Variants in BTNL8 observed in about 807,000 individuals in gnomAD.
BTNL8 encodes the protein butyrophilin-like protein 8.
BTNL8 carries 22 observed loss-of-function variants against 36.1 expected under a neutral mutation model. The ratio of observed to expected loss-of-function variants is 0.61; its 90% CI spans 0.44 to 0.87. The LOEUF (loss-of-function observed/expected upper bound fraction) is 0.87. Ranked by LOEUF, BTNL8 falls within the 40% of genes least tolerant of loss-of-function variation. The probability of loss-of-function intolerance (pLI) is 0.00; values close to 1 mark genes in which losing one functional copy is unlikely to be tolerated. For missense variants in BTNL8, 526 were observed against 616.9 expected, an observed-to-expected ratio of 0.85 and a Z score of 1.56; for synonymous variants, 203 against 235.6, an observed-to-expected ratio of 0.86 and a Z score of 1.27.
At chr5:180,905,868 T>C (rs1243836783) in intron 1 of BTNL8, among the ~76,000 whole-genome samples, 1 of 151,200 alleles carries the variant, frequency 6.6e-6, no homozygotes, top group Non-Finnish European at 1.5e-5. Flanking sequence ...TCTAGTTTGA[T>C]TGCACTGTGG....
chr5:180,945,633 A>G, intron 3 of BTNL8: 1 of 248,920 alleles, frequency 4.0e-6, no homozygotes, highest in South Asian at 4.3e-5. Context: ...AAATAACCTG[A>G]TCTTAAAAAA....
At chr5:180,902,312 A>G in intron 1 of BTNL8, 1 of 1,532,302 alleles carries the variant, frequency 6.5e-7, no homozygotes, top group South Asian at 1.2e-5. Context: ...TCTCATCTTA[A>G]AAATAAAAAC....
intron 3 of BTNL8, among the ~76,000 whole-genome samples, chr5:180,932,327 C>T (rs1205853132): frequency 1.3e-5 from 2 of 152,182 alleles, no homozygotes; most frequent in African/African-American, 4.8e-5. Context: ...GCACATTCTG[C>T]AAATGTATCC....
chr5:180,908,460 T>C, intron 1 of BTNL8, 126 bp from the exon 2 acceptor site: 1 of 882,166 alleles, frequency 1.1e-6, no homozygotes, highest in African/African-American at 1.7e-5. Context: ...AATGCAGAAA[T>C]CACCCATGTT....
intron 3 of BTNL8, among the ~76,000 whole-genome samples, chr5:180,945,372 A>G (rs1229003736): frequency 6.6e-6 from 1 of 152,232 alleles, no homozygotes; most frequent in Non-Finnish European, 1.5e-5. Flanking sequence ...AAGAAAATAT[A>G]TGGGCAAAGC....
chr5:180,928,667 GTC>G (rs1758219486), intron 3 of BTNL8, among the ~76,000 whole-genome samples: 1 of 152,146 alleles, frequency 6.6e-6, no homozygotes, highest in South Asian at 2.1e-4. Flanking sequence ...TGCAATCCTA[GTC>G]TCTGATAAAA....
intron 3 of BTNL8, among the ~76,000 whole-genome samples, chr5:180,942,295 CACAA>C (rs1319942278): frequency 3.9e-5 from 6 of 152,142 alleles, no homozygotes; most frequent in African/African-American, 1.4e-4. Context: ...CTGAAGGGAA[CACAA>C]ACAAATGAAA....
Position 180,911,582 on chromosome 5 carries a change from G to A in BTNL8, c.641G>A (p.Ser214Asn), listed in dbSNP as rs1162168974. 14 of 1,613,868 alleles carry A rather than the reference G, an allele frequency of 8.7e-6. No individual in the cohort carries two copies. Among genetic ancestry groups the A allele is most frequent in the Non-Finnish European group, 1.2e-5 (14 of 1,179,830 alleles). The change falls in exon 3 of 8, where the codon AGC becomes AAC. Residue 214 changes from serine to asparagine, a missense_variant. Around this residue, in one of 2 missense-constraint regions of BTNL8, gnomAD observed 350 missense variants for 324.6 expected, o/e 1.08. Transcript: ENST00000340184. ...TGTTCCATGCGGCATGCTCATCTGAGCCGAGAGGTGGAATCCAGGGTACAG... is the reference window on the plus strand; with the variant it reads ...TGTTCCATGCGGCATGCTCATCTGAACCGAGAGGTGGAATCCAGGGTACAG... ...ISCSMRHAHL[S>N]REVESRVQIG... is the part of the protein sequence containing the mutation.
chr5:180,940,899 T>C (rs1171635293), intron 3 of BTNL8, among the ~76,000 whole-genome samples: 2 of 151,840 alleles, frequency 1.3e-5, no homozygotes, highest in Non-Finnish European at 2.9e-5. Context: ...TGAAACCCTG[T>C]CTCTACAAAA....
intron 3 of BTNL8, among the ~76,000 whole-genome samples, chr5:180,941,385 C>G (rs138489954): frequency 6.6e-6 from 1 of 152,264 alleles, no homozygotes; most frequent in African/African-American, 2.4e-5. Flanking sequence ...GAACTAACAC[C>G]TTCTCTTCTT....
At position 180,949,860 on chromosome 5, in the gene BTNL8, G is replaced by A. The variant is rs7702022; in HGVS notation, c.863-44G>A. 3.3e-5 allele frequency: 47 copies of A among 1,418,364 alleles called. 6 individuals carry two copies. The East Asian group carries it at 3.7e-4, about 11-fold the overall frequency. The allele number at this position is 1,418,364 out of a possible 1,614,324, so 87.9% of individuals were successfully genotyped here. ...GACCTCTTGCTCCAGCCCAGATTTC[G>A]TCTTCAGTAACTCATGCTTCCTCTC... On this transcript the variant is annotated intron_variant, in intron 7 of 7. Coordinates refer to ENST00000340184, the MANE Select transcript of BTNL8 (RefSeq NM_001040462.3).
chr5:180,922,016 G>A (rs1208644044), intron 3 of BTNL8, among the ~76,000 whole-genome samples: 1 of 151,922 alleles, frequency 6.6e-6, no homozygotes, highest in Non-Finnish European at 1.5e-5. Flanking sequence ...ATAGTTATTT[G>A]TATTTTTTTG....
chr5:180,943,573 G>C (rs1172931553), intron 3 of BTNL8, among the ~76,000 whole-genome samples: 1 of 152,132 alleles, frequency 6.6e-6, no homozygotes, highest in Non-Finnish European at 1.5e-5. Context: ...AGTTAAAATT[G>C]CTATTATCAA....
At chr5:180,934,726 C>T (rs912256501) in intron 3 of BTNL8, among the ~76,000 whole-genome samples, 5 of 152,220 alleles carry the variant, frequency 3.3e-5, no homozygotes, top group Non-Finnish European at 7.3e-5. Flanking sequence ...AGAAACCATA[C>T]AGGCCCAAAG....
rs1172663456 is a variant in BTNL8, at chr5:180,950,319, G to C, written c.1278G>C (p.Gln426His). The C allele has an allele frequency of 1.2e-5, 17 of 1,463,540 alleles. 3 individuals carry two copies. Among genetic ancestry groups the C allele is most frequent in the Non-Finnish European group, 1.6e-5 (17 of 1,059,086 alleles). The allele number at this position is 1,463,540 out of a possible 1,614,324, so 90.7% of individuals were successfully genotyped here. A position where few individuals can be genotyped will look rare whatever the true frequency, so the allele number is the denominator to read the frequency against. Reference sequence around the variant, plus strand: ...TCTCCTTCTTCAACATAAATGACCAGTCCCTTATTTATACCCTGACATGTC... The same window carrying C: ...TCTCCTTCTTCAACATAAATGACCACTCCCTTATTTATACCCTGACATGTC... Reference protein sequence around the residue: ...GTISFFNINDQSLIYTLTCRF... With the variant: ...GTISFFNINDHSLIYTLTCRF... The change falls in exon 8 of 8, where the codon CAG (glutamine) becomes CAC (histidine). Residue 426 changes from glutamine (Q) to histidine (H), a missense_variant. Around this residue, in one of 2 missense-constraint regions of BTNL8, gnomAD observed 176 missense variants for 292.3 expected, o/e 0.60. Transcript: ENST00000340184.
At chr5:180,929,630 A>G (rs111413301) in intron 3 of BTNL8, among the ~76,000 whole-genome samples, 1 of 152,236 alleles carries the variant, frequency 6.6e-6, no homozygotes, top group Non-Finnish European at 1.5e-5. Flanking sequence ...GATAAAGGGG[A>G]TATCACCACT....
chr5:180,917,625 C>G (rs1364654681), intron 3 of BTNL8, among the ~76,000 whole-genome samples: 2 of 151,804 alleles, frequency 1.3e-5, no homozygotes, highest in Non-Finnish European at 2.9e-5. Context: ...AAATACCAGA[C>G]CAGTAATTAG....
At chr5:180,922,322 G>A (rs1266786922) in intron 3 of BTNL8, among the ~76,000 whole-genome samples, 1 of 151,926 alleles carries the variant, frequency 6.6e-6, no homozygotes, top group African/African-American at 2.4e-5. Flanking sequence ...TTTTGATGTA[G>A]TTGTTTAGTG....
At chr5:180,946,070 G>A (rs540914628) in intron 3 of BTNL8, among the ~76,000 whole-genome samples, 218 of 152,218 alleles carry the variant, frequency 1.4e-3, no homozygotes, top group Non-Finnish European at 2.8e-3. Context: ...TTGTGGAAAC[G>A]CAAATTAAAC....
Sources: allele counts gnomAD v4.1 joint callset (sites outside exome capture counted in the v4.1 genomes callset), GRCh38; gene constraint gnomAD v4.1.1; regional missense constraint gnomAD v4.1.1; transcripts MANE v1.5; gene names NCBI Gene and HGNC (gene_info 2026-07-23, HGNC 2026-07-21).